RNF157: variants seen among roughly 807,000 people sequenced by gnomAD.
The protein encoded by RNF157 is E3 ubiquitin ligase RNF157.
RNF157 carries 55 observed loss-of-function variants against 88.3 expected under a neutral mutation model. That is an observed-to-expected ratio of 0.62 (90% confidence interval 0.50 to 0.78). The LOEUF (loss-of-function observed/expected upper bound fraction) is 0.78, where lower values mean the gene tolerates loss of function less well. Ranked by LOEUF, RNF157 falls within the 30% of genes least tolerant of loss-of-function variation. The pLI is 0.00. For synonymous variants in RNF157, 334 were observed against 341.2 expected (o/e 0.98, Z 0.23); for missense variants, 788 against 860.8 (o/e 0.92, Z 1.06).
intron 1 of RNF157, among the ~76,000 whole-genome samples, chr17:76,224,392 ATTC>A (rs1239409413): frequency 1.3e-5 from 1 of 75,384 alleles, no homozygotes; most frequent in Non-Finnish European, 3.6e-5. Context: ...CCCATTTTCT[ATTC>A]TTCTACAATT....
Position 76,233,157 on chromosome 17 carries a change from T to C in RNF157, c.88+6996A>G, listed in dbSNP as rs142262007. Reference sequence around the variant, plus strand: ...GGATGGTCTCGATCTCCTGACCTCATGACCCACCTGCCTCAGCCTCCCAAA... The same window carrying C: ...GGATGGTCTCGATCTCCTGACCTCACGACCCACCTGCCTCAGCCTCCCAAA... On this transcript the variant is annotated intron_variant, in intron 1 of 18. Transcript: ENST00000269391. Among the ~76,000 whole-genome samples the C allele has an allele frequency of 6.8e-3, 1,028 of 152,290 alleles. 11 individuals are homozygous for C. Among genetic ancestry groups the C allele is most frequent in the African/African-American group, 0.024 (993 of 41,556 alleles).
intron 2 of RNF157, among the ~76,000 whole-genome samples, chr17:76,179,649 T>C (rs759138991): frequency 6.6e-6 from 1 of 151,154 alleles, no homozygotes; most frequent in African/African-American, 2.4e-5. Context: ...GCTGAGCTCA[T>C]GCCACTGCAC....
chr17:76,146,403 G>C lies in RNF157; in HGVS notation c.1922-1050C>G. The C allele has an allele frequency of 2.0e-6, 2 of 985,538 alleles. No homozygotes were observed. The highest frequency in any genetic ancestry group is 3.5e-5 in the African/African-American group (2 of 57,340). The allele number at this position is 985,538 out of a possible 1,614,324, so 61.0% of individuals were successfully genotyped here. A position where few individuals can be genotyped will look rare whatever the true frequency, so the allele number is the denominator to read the frequency against. On this transcript the variant is annotated intron_variant, in intron 18 of 18. Coordinates refer to ENST00000269391, the MANE Select transcript of RNF157 (RefSeq NM_052916.3). This position sits in a 1 kb window ranked among gnomAD's most constrained non-coding sequence, Gnocchi z 4.2. ...TCCAGGCCATCTCGCCTCTCCCCTG[G>C]GAGTCCTCTTCATCTCCTGCCCACA...
chr17:76,173,833 G>A (rs1337749877), intron 2 of RNF157, 43 bp from the exon 3 acceptor site: 3 of 1,506,336 alleles, frequency 2.0e-6, no homozygotes, highest in Non-Finnish European at 2.7e-6. Context: ...TGTTTAAAAA[G>A]ACCCACAGCT....
In RNF157 at chr17:76,143,364, G is replaced by T. The variant is rs553769987; in HGVS notation, c.*1871C>A. ...CTCCTCCCAGGTAACACCACACTGTGAATACTACCTGCAGGGGACAGGACA... is the reference window on the plus strand; with the variant it reads ...CTCCTCCCAGGTAACACCACACTGTTAATACTACCTGCAGGGGACAGGACA... On this transcript the variant is annotated 3_prime_UTR_variant, in exon 19 of 19. Transcript: ENST00000269391. The T allele has an allele frequency of 6.6e-6, 1 of 152,306 alleles. No individual in the cohort carries two copies. The highest frequency in any genetic ancestry group is 1.9e-4 in the East Asian group (1 of 5,182). 9.4% of individuals were successfully genotyped at this position (152,306 alleles called of 1,614,324 possible).
rs1467048453 is a variant in RNF157, at chr17:76,160,081, A to ATG, written c.1066-509_1066-508insCA. Among the ~76,000 whole-genome samples, 1 of 152,180 alleles carries ATG rather than the reference A, an allele frequency of 6.6e-6. No homozygotes were observed. Among genetic ancestry groups the ATG allele is most frequent in the Non-Finnish European group, 1.5e-5 (1 of 68,024 alleles). ...TTGATCCTCCCACCATGGCCTCCCA[A>ATG]AGTGCTAGGATTACAGATGTAAGCC... On this transcript the variant is annotated intron_variant, in intron 11 of 18. Transcript: ENST00000269391. The surrounding 1 kb of genome is among the most constrained non-coding windows in gnomAD (Gnocchi z 4.3).
chr17:76,161,541 C>T lies in RNF157; in HGVS notation c.1059G>A (p.Glu353=). The T allele has an allele frequency of 6.2e-7, 1 of 1,613,634 alleles. No individual in the cohort carries two copies. The highest frequency in any genetic ancestry group is 8.5e-7 in the Non-Finnish European group (1 of 1,179,558). ...GGTTCCGAGCCCAACTTACTGGATG[C>T]TCTTCAGAGTCAGATGTCTGGGATG... ...IISSQTSDSE[E]HPSSENIPPG... The change falls in exon 11 of 19, where the codon GAG becomes GAA. Residue 353 remains glutamate, a synonymous_variant. Coordinates refer to ENST00000269391, the MANE Select transcript of RNF157 (RefSeq NM_052916.3). The surrounding 1 kb of genome is among the most constrained non-coding windows in gnomAD (Gnocchi z 4.6).
intron 2 of RNF157, among the ~76,000 whole-genome samples, chr17:76,194,923 C>G (rs9900336): frequency 1 from 151,542 of 152,196 alleles, 75,448 homozygotes; most frequent in Middle Eastern, 1. Flanking sequence ...GCTGAGGCAG[C>G]AGAATGGCGT....
chr17:76,158,745 G>A (rs2068805110), intron 12 of RNF157, among the ~76,000 whole-genome samples: 1 of 152,130 alleles, frequency 6.6e-6, no homozygotes, highest in Non-Finnish European at 1.5e-5. Flanking sequence ...AACTTGCCTG[G>A]CTCGAAACCC....
intron 1 of RNF157, among the ~76,000 whole-genome samples, chr17:76,219,448 T>C (rs1394222530): frequency 6.6e-6 from 1 of 151,910 alleles, no homozygotes; most frequent in African/African-American, 2.4e-5. Context: ...TATGAAGATA[T>C]ATACATATTA....
chr17:76,195,841 G>C lies in RNF157; in HGVS notation c.207+16523C>G, dbSNP rs1417918136. ...TAAATTGAGCACAAGCTAAAACAGGGACTGGGCAGAAGCAGCTTTCCATAA... is the reference window on the plus strand; with the variant it reads ...TAAATTGAGCACAAGCTAAAACAGGCACTGGGCAGAAGCAGCTTTCCATAA... On this transcript the variant is annotated intron_variant, in intron 2 of 18. Coordinates refer to ENST00000269391, the MANE Select transcript of RNF157 (RefSeq NM_052916.3). This position sits in a 1 kb window ranked among gnomAD's most constrained non-coding sequence, Gnocchi z 4.4. Among the ~76,000 whole-genome samples the C allele has an allele frequency of 6.6e-6, 1 of 152,130 alleles. No homozygotes were observed. Among genetic ancestry groups the C allele is most frequent in the Non-Finnish European group, 1.5e-5 (1 of 68,022 alleles).
At chr17:76,183,060 G>T (rs953352147) in intron 2 of RNF157, among the ~76,000 whole-genome samples, 1 of 151,658 alleles carries the variant, frequency 6.6e-6, no homozygotes, top group African/African-American at 2.4e-5. Context: ...CTTGCTTCCC[G>T]AGTAGCTGGG....
chr17:76,227,928 T>C (rs1294274972), intron 1 of RNF157, among the ~76,000 whole-genome samples: 1 of 152,112 alleles, frequency 6.6e-6, no homozygotes, highest in Non-Finnish European at 1.5e-5. Flanking sequence ...TCTAGCTATA[T>C]TTATTCCAGA....
At chr17:76,167,280 C>T (rs1042978462) in intron 4 of RNF157, among the ~76,000 whole-genome samples, 154 bp from the exon 5 acceptor site, 1 of 152,130 alleles carries the variant, frequency 6.6e-6, no homozygotes, top group Admixed American at 6.5e-5. Context: ...TCTTGCTTGG[C>T]AACGTTAAAC....
chr17:76,175,863 C>G (rs940901867), intron 2 of RNF157: 15 of 756,660 alleles, frequency 2.0e-5, no homozygotes, highest in Non-Finnish European at 2.4e-5. Flanking sequence ...AATCCTGGCA[C>G]TCTTTATCCT....
At chr17:76,151,456 G>A (rs551243217) in intron 18 of RNF157, among the ~76,000 whole-genome samples, 33 of 152,316 alleles carry the variant, frequency 2.2e-4, no homozygotes, top group African/African-American at 7.2e-4. Context: ...CACTGGACCC[G>A]TGATGTGGCT....
chr17:76,152,409 T>C lies in RNF157; in HGVS notation c.1867A>G (p.Ile623Val), dbSNP rs1383921194. Residue 623 changes from isoleucine to valine, a missense_variant, in exon 18 of 19, where the codon ATC becomes GTC. Physicochemically the swap from Ile to Val is conservative, Grantham distance 29 (BLOSUM62 3). Coordinates refer to ENST00000269391, the MANE Select transcript of RNF157 (RefSeq NM_052916.3). ...TTGTCCAGTGCTTTCACGCTTGCGA[T>C]GTCAAAGTCATTGTTATTGTCACAC... ...MECDNNNDFD[I>V]ASVKALDNKL... is the part of the protein sequence containing the mutation. The C allele has an allele frequency of 1.9e-6, 3 of 1,614,034 alleles. No individual in the cohort carries two copies. The highest frequency in any genetic ancestry group is 2.2e-5 in the South Asian group (2 of 91,082).
At chr17:76,230,600 G>T (rs1384818903) in intron 1 of RNF157, among the ~76,000 whole-genome samples, 3 of 152,092 alleles carry the variant, frequency 2.0e-5, no homozygotes, top group Non-Finnish European at 4.4e-5. Context: ...AGCATTTTGG[G>T]AGGCTGAGGT....
In RNF157 at chr17:76,202,456, G is replaced by A. The variant is rs1409596609; in HGVS notation, c.207+9908C>T. On this transcript the variant is annotated intron_variant, in intron 2 of 18. Coordinates refer to ENST00000269391, the MANE Select transcript of RNF157 (RefSeq NM_052916.3). ...GACACATTTTAGTCTGATCACACAT[G>A]GTCCAAGAACACACAAGTCATAAAT... Among the ~76,000 whole-genome samples the A allele has an allele frequency of 3.9e-5, 6 of 152,170 alleles. No homozygotes were observed. The East Asian group carries it at 1.2e-3, about 29-fold the overall frequency.
Sources: allele counts gnomAD v4.1 joint callset (sites outside exome capture counted in the v4.1 genomes callset), GRCh38; gene constraint gnomAD v4.1.1; non-coding constraint Gnocchi (gnomAD v3.1); transcripts MANE v1.5; gene names NCBI Gene and HGNC (gene_info 2026-07-23, HGNC 2026-07-21).